Variants in KL observed in about 807,000 individuals in gnomAD.
The protein encoded by KL is alpha-klotho.
Under a neutral mutation model 84.2 loss-of-function variants are expected in KL, and 62 were observed. The ratio of observed to expected loss-of-function variants is 0.74; its 90% confidence interval spans 0.60 to 0.91. The LOEUF (loss-of-function observed/expected upper bound fraction) is 0.91, where lower values mean the gene tolerates loss of function less well. Ranked by LOEUF, KL falls within the 40% of genes least tolerant of loss-of-function variation. The probability of loss-of-function intolerance (pLI) is 0.00; values close to 1 mark genes in which losing one functional copy is unlikely to be tolerated. For synonymous variants in KL, 528 were observed against 528.0 expected (o/e 1.00, Z 0.00); for missense variants, 1,261 against 1,305.7 (o/e 0.97, Z 0.53).
chr13:33,055,401 G>A (rs1341224839), intron 3 of KL, 86 bp downstream of exon 3: 1 of 1,568,304 alleles, frequency 6.4e-7, no homozygotes, highest in African/African-American at 1.4e-5. Context: ...GATTGTCATG[G>A]CACATTGTCC....
chr13:33,054,138 G>A lies in KL; in HGVS notation c.1191G>A (p.Leu397=). The A allele has an allele frequency of 6.2e-7, 1 of 1,613,954 alleles. No homozygotes were observed. The change falls in exon 2 of 5, where the codon CTG becomes CTA. Residue 397 remains leucine, a synonymous_variant. Transcript: ENST00000380099. ...RQLESPNLRQ[L]LSWIDLEFNH... ...TGGAATCTCCCAACCTGAGGCAACT[G>A]CTTTCCTGGATTGACCTTGAATTTA...
chr13:33,026,739 G>A (rs576514081), intron 1 of KL, among the ~76,000 whole-genome samples: 4 of 152,276 alleles, frequency 2.6e-5, no homozygotes, highest in South Asian at 4.1e-4. Flanking sequence ...CCTGGAGAGC[G>A]GTGCCCCCAC....
chr13:33,043,228 C>CTT (rs56697823), intron 1 of KL, among the ~76,000 whole-genome samples: 5,237 of 144,890 alleles, frequency 0.036, 293 homozygotes, highest in African/African-American at 0.12. Flanking sequence ...TGTTGGTAGT[C>CTT]TTTTTTTTTT....
chr13:33,047,129 T>TGGG (rs1871561286), intron 1 of KL, among the ~76,000 whole-genome samples: 1 of 152,108 alleles, frequency 6.6e-6, no homozygotes, highest in South Asian at 2.1e-4. Context: ...TTTTTTTAGG[T>TGGG]GGGTGGCATG....
At chr13:33,049,389 C>T (rs964833811) in intron 1 of KL, among the ~76,000 whole-genome samples, 5 of 152,176 alleles carry the variant, frequency 3.3e-5, no homozygotes, top group African/African-American at 9.7e-5. Context: ...AGATAAAAGA[C>T]TCAATGCCTT....
At chr13:33,043,637 T>C (rs1871419748) in intron 1 of KL, among the ~76,000 whole-genome samples, 1 of 152,196 alleles carries the variant, frequency 6.6e-6, no homozygotes, top group Admixed American at 6.5e-5. Flanking sequence ...TTACTGAGCA[T>C]TGGTGAAGAT....
intron 1 of KL, among the ~76,000 whole-genome samples, chr13:33,022,625 C>G (rs916133071): frequency 1.3e-5 from 2 of 152,152 alleles, no homozygotes; most frequent in Non-Finnish European, 2.9e-5. Flanking sequence ...TTTTTCCCCT[C>G]TTTATCTTGG....
chr13:33,026,553 G>T (rs891438584), intron 1 of KL, among the ~76,000 whole-genome samples: 1 of 152,166 alleles, frequency 6.6e-6, no homozygotes. Context: ...TCGGGGAACT[G>T]TACAAGGGGT....
chr13:33,050,257 C>T (rs963942907), intron 1 of KL, among the ~76,000 whole-genome samples: 1 of 152,210 alleles, frequency 6.6e-6, no homozygotes, highest in African/African-American at 2.4e-5. Context: ...AATCTTAAGA[C>T]AACAAGCCTA....
intron 1 of KL, among the ~76,000 whole-genome samples, chr13:33,047,158 C>T (rs1871562198): frequency 6.6e-6 from 1 of 151,992 alleles, no homozygotes; most frequent in Admixed American, 6.6e-5. Flanking sequence ...ATATATATGT[C>T]TGTTAGCTCT....
At chr13:33,057,263 G>C (rs1871997865) in intron 3 of KL, among the ~76,000 whole-genome samples, 1 of 152,084 alleles carries the variant, frequency 6.6e-6, no homozygotes, top group African/African-American at 2.4e-5. Flanking sequence ...CAGATCATGG[G>C]AACGAATGCA....
chr13:33,019,049 T>G (rs1221833658), intron 1 of KL, among the ~76,000 whole-genome samples: 1 of 152,236 alleles, frequency 6.6e-6, no homozygotes, highest in Non-Finnish European at 1.5e-5. Context: ...CTAACCATCC[T>G]TCCTAGAAAT....
At chr13:33,027,140 T>C (rs1458209235) in intron 1 of KL, among the ~76,000 whole-genome samples, 1 of 152,198 alleles carries the variant, frequency 6.6e-6, no homozygotes, top group Non-Finnish European at 1.5e-5. Flanking sequence ...ACCCCAGCGC[T>C]ACTCCTCAGG....
At position 33,063,902 on chromosome 13, in the gene KL, G is replaced by C. The variant is rs148729589; in HGVS notation, c.2755G>C (p.Asp919His). 2 of 1,613,874 alleles carry C rather than the reference G, an allele frequency of 1.2e-6. No individual in the cohort carries two copies. Among genetic ancestry groups the C allele is most frequent in the African/African-American group, 2.7e-5 (2 of 74,888 alleles). Residue 919 changes from aspartate (D) to histidine (H), a missense_variant, in exon 5 of 5, where the codon GAC becomes CAC. By Grantham distance (81) the Asp-to-His change is moderately conservative. Transcript: ENST00000380099. The stretch of plus-strand genomic sequence containing the variant: ...CGGATACTTTGCTTATTCGTTTAAC[G>C]ACCGCACAGCTCCGAGGTTTGGCCT... ...LCGYFAYSFNDRTAPRFGLYR... is the reference protein window; with the variant it reads ...LCGYFAYSFNHRTAPRFGLYR...
intron 2 of KL, among the ~76,000 whole-genome samples, chr13:33,054,773 G>T (rs531254388): frequency 6.6e-6 from 1 of 152,278 alleles, no homozygotes; most frequent in African/African-American, 2.4e-5. Context: ...CATCTTTCCA[G>T]CCCTGTAGAA....
intron 1 of KL, among the ~76,000 whole-genome samples, chr13:33,038,232 A>G (rs1871212730): frequency 6.6e-6 from 1 of 152,210 alleles, no homozygotes; most frequent in African/African-American, 2.4e-5. Context: ...GTCTATTGTA[A>G]TCTTATTTTC....
At position 33,063,857 on chromosome 13, in the gene KL, C is replaced by A; in HGVS notation, c.2710C>A (p.Leu904Met). ...TCCTTTTGTTTTTCCAGCCCACATA[C>A]TGGATGGTATCAATCTTTGCGGATA... The part of the protein sequence containing the change: ...YINEALKAHI[L>M]DGINLCGYFA... The change falls in exon 5 of 5, where the codon CTG (leucine) becomes ATG (methionine). Residue 904 changes from leucine to methionine, a missense_variant. Transcript: ENST00000380099. 1 of 1,614,002 alleles carries A rather than the reference C, an allele frequency of 6.2e-7. No homozygotes were observed. The highest frequency in any genetic ancestry group is 1.3e-5 in the African/African-American group (1 of 75,014).
At chr13:33,047,003 A>G (rs1389401405) in intron 1 of KL, among the ~76,000 whole-genome samples, 1 of 152,186 alleles carries the variant, frequency 6.6e-6, no homozygotes, top group Non-Finnish European at 1.5e-5. Flanking sequence ...GTGGTAAGAA[A>G]CAATACTTTT....
intron 3 of KL, among the ~76,000 whole-genome samples, chr13:33,056,026 C>T (rs1467423852): frequency 6.6e-6 from 1 of 152,072 alleles, no homozygotes; most frequent in African/African-American, 2.4e-5. Flanking sequence ...GCTCGGGTCG[C>T]TTGGTTAAGG....
Sources: allele counts gnomAD v4.1 joint callset (sites outside exome capture counted in the v4.1 genomes callset), GRCh38; gene constraint gnomAD v4.1.1; transcripts MANE v1.5; gene names NCBI Gene and HGNC (gene_info 2026-07-23, HGNC 2026-07-21).